The following DAB1 variants were observed in gnomAD, a reference collection of about 807,000 sequenced individuals.
DAB1 encodes the protein DAB adaptor protein 1.
In DAB1, 15 loss-of-function variants were observed where a neutral mutation model predicts 64.6. The ratio of observed to expected loss-of-function variants is 0.23; its 90% confidence interval spans 0.16 to 0.36. The LOEUF is 0.36. Ranked by LOEUF, DAB1 falls within the 10% of genes least tolerant of loss-of-function variation. The pLI, the probability that DAB1 is intolerant of heterozygous loss-of-function variation, is 1.00. For synonymous variants in DAB1, 235 were observed against 251.9 expected, an observed-to-expected ratio of 0.93 and a Z score of 0.64; for missense variants, 596 against 706.7, an observed-to-expected ratio of 0.84 and a Z score of 1.78.
chr1:58,460,894 C>A (rs1459383152), intron 3 of DAB1, among the ~76,000 whole-genome samples: 1 of 152,180 alleles, frequency 6.6e-6, no homozygotes. Context: ...AGTGTAAGTG[C>A]CCCATGGTGC....
At chr1:58,040,606 A>T (rs928557503) in intron 5 of DAB1, among the ~76,000 whole-genome samples, 4 of 152,194 alleles carry the variant, frequency 2.6e-5, no homozygotes, top group Admixed American at 1.3e-4. Flanking sequence ...TTGGTTCAGA[A>T]CCTTCAGGCT....
intron 1 of DAB1, among the ~76,000 whole-genome samples, chr1:57,416,261 C>A (rs989387262): frequency 6.6e-5 from 10 of 152,122 alleles, no homozygotes; most frequent in African/African-American, 2.4e-4. Context: ...TTCAAGATGT[C>A]CCTTGCATAT....
Position 57,395,959 on chromosome 1 carries a change from G to GTAAAAGCAAATGTGGGTAAGACTGAACA in DAB1, c.-137+27943_-137+27970dup, listed in dbSNP as rs2101016606. Among the ~76,000 whole-genome samples the GTAAAAGCAAATGTGGGTAAGACTGAACA allele has an allele frequency of 1.3e-5, 2 of 152,298 alleles. 1 individual carries two copies. Among genetic ancestry groups the GTAAAAGCAAATGTGGGTAAGACTGAACA allele is most frequent in the South Asian group, 4.1e-4 (2 of 4,826 alleles). ...CTGGCAAATATAGCAGAGAAAAGAA[G>GTAAAAGCAAATGTGGGTAAGACTGAACA]TAAAAGCAAATGTGGGTAAGACTGA... On this transcript the variant is annotated intron_variant, in intron 1 of 14. Transcript: ENST00000371236.
At chr1:57,050,890 G>C (rs1450088115) in intron 9 of DAB1, among the ~76,000 whole-genome samples, 2 of 152,168 alleles carry the variant, frequency 1.3e-5, no homozygotes, top group Non-Finnish European at 2.9e-5. Flanking sequence ...AATTGTAAGG[G>C]AACTCAAATA....
At chr1:57,831,352 G>A (rs1268271888) in intron 1 of DAB1, among the ~76,000 whole-genome samples, 1 of 152,026 alleles carries the variant, frequency 6.6e-6, no homozygotes, top group East Asian at 1.9e-4. Context: ...CTGTATATCT[G>A]GAGGGTACTT....
chr1:57,310,543 G>C (rs867683891), intron 1 of DAB1, among the ~76,000 whole-genome samples: 1 of 152,164 alleles, frequency 6.6e-6, no homozygotes, highest in Non-Finnish European at 1.5e-5. Context: ...CAGGAAGTAA[G>C]CAATTGTGCC....
intron 7 of DAB1, among the ~76,000 whole-genome samples, chr1:57,616,200 A>G (rs1366903468): frequency 6.6e-6 from 1 of 151,998 alleles, no homozygotes; most frequent in Non-Finnish European, 1.5e-5. Flanking sequence ...GGGCTAGTAC[A>G]TTTCCTGTTT....
intron 5 of DAB1, among the ~76,000 whole-genome samples, chr1:58,113,006 T>C (rs934403035): frequency 6.6e-6 from 1 of 152,184 alleles, no homozygotes; most frequent in Admixed American, 6.5e-5. Context: ...ACTCACCATG[T>C]TGGGCATAGA....
At chr1:57,236,246 C>T (rs549289472) in intron 2 of DAB1, among the ~76,000 whole-genome samples, 1 of 152,312 alleles carries the variant, frequency 6.6e-6, no homozygotes, top group Admixed American at 6.5e-5. Context: ...TAACATGTAA[C>T]TTTCAACTTC....
intron 2 of DAB1, among the ~76,000 whole-genome samples, chr1:58,509,429 G>C (rs939278929): frequency 1.3e-5 from 2 of 148,250 alleles, no homozygotes; most frequent in Non-Finnish European, 3.0e-5. Context: ...AAACCAAAAA[G>C]AAAATGATTT....
chr1:57,252,029 C>T (rs1291862203), intron 2 of DAB1, among the ~76,000 whole-genome samples: 1 of 152,154 alleles, frequency 6.6e-6, no homozygotes, highest in Non-Finnish European at 1.5e-5. Flanking sequence ...CCTTTAAGTC[C>T]TTAAGGATAA....
intron 7 of DAB1, among the ~76,000 whole-genome samples, chr1:57,607,333 G>C (rs1645669406): frequency 6.6e-6 from 1 of 152,122 alleles, no homozygotes; most frequent in Non-Finnish European, 1.5e-5. Context: ...ACATTTTTCT[G>C]TATGACGCCT....
intron 4 of DAB1, among the ~76,000 whole-genome samples, chr1:58,337,957 G>A (rs1250354295): frequency 6.7e-6 from 1 of 150,168 alleles, no homozygotes; most frequent in Non-Finnish European, 1.5e-5. Context: ...CTGCCAAGTT[G>A]GTAAGAGGAT....
At chr1:57,594,774 C>G (rs190461029) in intron 7 of DAB1, among the ~76,000 whole-genome samples, 204 of 152,140 alleles carry the variant, frequency 1.3e-3, no homozygotes, top group Admixed American at 2.2e-3. Flanking sequence ...GCAGTGGCGC[C>G]ATCTCGGCTC....
chr1:57,840,143 T>A (rs941917969), intron 1 of DAB1, among the ~76,000 whole-genome samples: 5 of 152,200 alleles, frequency 3.3e-5, no homozygotes, highest in African/African-American at 1.2e-4. Context: ...AGGCATTTAT[T>A]TAGTCAACAG....
intron 9 of DAB1, among the ~76,000 whole-genome samples, chr1:57,053,258 A>T (rs1649370997): frequency 6.6e-6 from 1 of 152,122 alleles, no homozygotes; most frequent in Non-Finnish European, 1.5e-5. Context: ...AAAATTTTTT[A>T]AAAAACAGAG....
intron 2 of DAB1, among the ~76,000 whole-genome samples, chr1:57,248,765 G>A (rs1203049795): frequency 6.6e-6 from 1 of 152,144 alleles, no homozygotes; most frequent in African/African-American, 2.4e-5. Context: ...AGTTGTGTAG[G>A]AACTGTGATT....
intron 5 of DAB1, among the ~76,000 whole-genome samples, chr1:58,108,534 T>A (rs1651797697): frequency 6.6e-6 from 1 of 152,194 alleles, no homozygotes; most frequent in Admixed American, 6.5e-5. Flanking sequence ...AGTTATTTTC[T>A]TTATTTCACA....
chr1:57,692,398 GAGAGAA>G lies in DAB1; in HGVS notation n.552-42739_552-42734del, dbSNP rs907187726. 1.6e-4 allele frequency among the ~76,000 whole-genome samples: 24 copies of G among 152,044 alleles called. 1 individual carries two copies. Among genetic ancestry groups the G allele is most frequent in the Admixed American group, 7.9e-4 (12 of 15,254 alleles). ...CAGAGAGGAAAGAGAGAGAGAGGAA[GAGAGAA>G]AGAGAAAGAGAAAGACAGGAAGTCA... On this transcript the variant is annotated intron_variant and non_coding_transcript_variant, in intron 6 of 20. Coordinates refer to the DAB1 transcript ENST00000485760.
Sources: gnomAD v4.1 joint callset for allele counts (sites outside exome capture counted in the v4.1 genomes callset) on GRCh38, gnomAD v4.1.1 for gene constraint, MANE v1.5 for transcripts, NCBI Gene and HGNC (gene_info 2026-07-23, HGNC 2026-07-21) for gene names.